BICDL1: variants seen among roughly 807,000 people sequenced by gnomAD.
BICDL1 encodes the protein BICD family like cargo adaptor 1.
In BICDL1, 20 loss-of-function variants were observed where a neutral mutation model predicts 76.8. That is an observed-to-expected ratio of 0.26 (90% confidence interval 0.18 to 0.38). The LOEUF (loss-of-function observed/expected upper bound fraction) is 0.38, where lower values mean the gene tolerates loss of function less well. Among genes scored for constraint, BICDL1 ranks in the 10% least tolerant of loss-of-function variants. The pLI is 1.00. For missense variants in BICDL1, 700 were observed against 798.6 expected, an observed-to-expected ratio of 0.88 and a Z score of 1.49; for synonymous variants, 383 against 337.1, an observed-to-expected ratio of 1.14 and a Z score of -1.49.
intron 2 of BICDL1, among the ~76,000 whole-genome samples, chr12:120,046,563 G>A (rs1952753918): frequency 6.6e-6 from 1 of 152,218 alleles, no homozygotes; most frequent in Non-Finnish European, 1.5e-5. Context: ...AGAGAATTAA[G>A]CAGTTTGCCT....
intron 2 of BICDL1, among the ~76,000 whole-genome samples, chr12:120,010,899 G>A (rs188252944): frequency 9.2e-5 from 14 of 152,176 alleles, no homozygotes; most frequent in Middle Eastern, 3.4e-3. Context: ...AGTAAAACAA[G>A]CCATCTCTTT....
At chr12:120,057,514 TAA>T (rs375662943) in intron 2 of BICDL1, among the ~76,000 whole-genome samples, 7 of 152,168 alleles carry the variant, frequency 4.6e-5, no homozygotes, top group African/African-American at 9.6e-5. Context: ...TATATAAACT[TAA>T]GAGGTTATTA....
chr12:120,091,807 G>A (rs1874994369), intron 9 of BICDL1: 1 of 985,288 alleles, frequency 1.0e-6, no homozygotes, highest in Non-Finnish European at 1.2e-6. Flanking sequence ...GAGGAGGAGT[G>A]GACAAGCTGC....
chr12:120,086,750 G>A (rs910682230), intron 8 of BICDL1, among the ~76,000 whole-genome samples: 1 of 152,220 alleles, frequency 6.6e-6, no homozygotes, highest in Admixed American at 6.5e-5. Flanking sequence ...GTTACTAGTG[G>A]TTTCATTTGT....
intron 8 of BICDL1, among the ~76,000 whole-genome samples, chr12:120,088,002 T>C (rs575703241): frequency 4.8e-4 from 73 of 152,252 alleles, no homozygotes; most frequent in African/African-American, 1.7e-3. Flanking sequence ...TGATCTTGGC[T>C]CACTGTAACC....
chr12:120,054,104 G>T lies in BICDL1; in HGVS notation c.646-7606G>T, dbSNP rs145020900. ...TTTTTTTTTTTTGAGACAGAGTCTC[G>T]CTCTGTCGCCCAGGCTGGAGTGCAG... On this transcript the variant is annotated intron_variant, in intron 2 of 9. Transcript: ENST00000548673. 9.6e-3 allele frequency among the ~76,000 whole-genome samples: 1,426 copies of T among 148,224 alleles called. 23 individuals are homozygous for T. Among genetic ancestry groups the T allele is most frequent in the East Asian group, 0.044 (219 of 5,022 alleles).
At chr12:120,046,056 A>G (rs1952744606) in intron 2 of BICDL1, among the ~76,000 whole-genome samples, 1 of 152,138 alleles carries the variant, frequency 6.6e-6, no homozygotes, top group Non-Finnish European at 1.5e-5. Context: ...GCAGTGCCTC[A>G]GTTTAGCTGG....
intron 8 of BICDL1, among the ~76,000 whole-genome samples, chr12:120,082,428 A>T (rs1342004559): frequency 1.3e-5 from 2 of 151,356 alleles, no homozygotes; most frequent in African/African-American, 4.9e-5. Flanking sequence ...AATTTTTTGT[A>T]TTTTTGTTAG....
intron 2 of BICDL1, among the ~76,000 whole-genome samples, chr12:120,029,431 C>T (rs997665126): frequency 6.6e-6 from 1 of 151,938 alleles, no homozygotes; most frequent in Non-Finnish European, 1.5e-5. Context: ...TCATGGACCC[C>T]GAATTGAAAT....
intron 1 of BICDL1, among the ~76,000 whole-genome samples, chr12:119,996,812 A>G (rs1281024404): frequency 1.3e-5 from 2 of 152,224 alleles, no homozygotes; most frequent in Non-Finnish European, 1.5e-5. Flanking sequence ...GAGAGCATCA[A>G]AAGTTCAGGA....
intron 2 of BICDL1, among the ~76,000 whole-genome samples, chr12:120,004,970 C>T (rs948215490): frequency 2.8e-4 from 43 of 151,980 alleles, no homozygotes; most frequent in African/African-American, 9.6e-4. Context: ...TACAGGCGCC[C>T]GCCACTATAC....
chr12:120,080,783 A>C lies in BICDL1; in HGVS notation c.1453-104A>C, dbSNP rs967799204. 3.1e-6 allele frequency: 4 copies of C among 1,297,380 alleles called. No individual in the cohort carries two copies. The African/African-American group carries it at 5.9e-5, about 19-fold the overall frequency. The allele number at this position is 1,297,380 out of a possible 1,614,324, so 80.4% of individuals were successfully genotyped here. ...GAATGCTACCAGCTTGCACCCCCAC[A>C]CATGTACCCTGGTCCTGCCTGGGGT... is the stretch of plus-strand genomic sequence containing the variant. On this transcript the variant is annotated intron_variant, in intron 7 of 9. Coordinates refer to ENST00000548673, the MANE Select transcript of BICDL1 (RefSeq NM_001367886.1).
At chr12:120,062,282 A>G (rs1953121859) in intron 3 of BICDL1, among the ~76,000 whole-genome samples, 1 of 152,208 alleles carries the variant, frequency 6.6e-6, no homozygotes, top group Non-Finnish European at 1.5e-5. Flanking sequence ...CCTGGAACAC[A>G]GTGATGTTAT....
intron 1 of BICDL1, among the ~76,000 whole-genome samples, chr12:119,994,678 C>A (rs1328574646): frequency 6.6e-6 from 1 of 152,152 alleles, no homozygotes; most frequent in Admixed American, 6.5e-5. Flanking sequence ...TTAGTAGAGA[C>A]GGGGTTTCAC....
intron 2 of BICDL1, among the ~76,000 whole-genome samples, chr12:120,045,610 T>G (rs1206042457): frequency 3.9e-5 from 6 of 151,916 alleles, no homozygotes; most frequent in Admixed American, 6.6e-5. Flanking sequence ...TGAGTTCATG[T>G]CCTTTGTAGG....
At chr12:120,014,465 G>A (rs375693689) in intron 2 of BICDL1, among the ~76,000 whole-genome samples, 6 of 152,176 alleles carry the variant, frequency 3.9e-5, no homozygotes, top group East Asian at 1.9e-4. Flanking sequence ...AGGCTGAGCC[G>A]GGCAGATCAC....
At chr12:120,078,374 A>G (rs536060374) in intron 7 of BICDL1, among the ~76,000 whole-genome samples, 6 of 152,252 alleles carry the variant, frequency 3.9e-5, no homozygotes, top group South Asian at 2.1e-4. Flanking sequence ...TAAGCCTTCA[A>G]TATCTGACTT....
intron 2 of BICDL1, among the ~76,000 whole-genome samples, chr12:120,014,254 A>G (rs1952015540): frequency 6.6e-6 from 1 of 152,246 alleles, no homozygotes; most frequent in Non-Finnish European, 1.5e-5. Flanking sequence ...CCTACCTACC[A>G]GTTACTTCAA....
At chr12:120,090,802 C>A in intron 9 of BICDL1, 1 of 1,041,548 alleles carries the variant, frequency 9.6e-7, no homozygotes, top group Non-Finnish European at 1.3e-6. Flanking sequence ...GCAGCCAGAA[C>A]ACTGGCCCCA....
Sources: gnomAD v4.1 joint callset for allele counts (sites outside exome capture counted in the v4.1 genomes callset) on GRCh38, gnomAD v4.1.1 for gene constraint, MANE v1.5 for transcripts, NCBI Gene and HGNC (gene_info 2026-07-23, HGNC 2026-07-21) for gene names.